The following PDE4B variants were observed in gnomAD, a reference collection of about 807,000 sequenced individuals.
PDE4B encodes phosphodiesterase 4B.
PDE4B carries 20 observed loss-of-function variants against 82.2 expected under a neutral mutation model. The observed-to-expected ratio is 0.24, with a 90% CI of 0.17 to 0.35. PDE4B has a LOEUF of 0.35. Among genes scored for constraint, PDE4B ranks in the 10% least tolerant of loss-of-function variants. PDE4B has a pLI of 1.00. For synonymous variants in PDE4B, 320 were observed against 318.9 expected (o/e 1.00, Z -0.04); for missense variants, 655 against 907.2 (o/e 0.72, Z 3.57).
chr1:66,297,706 G>A (rs140307375), intron 7 of PDE4B, among the ~76,000 whole-genome samples: 112 of 152,114 alleles, frequency 7.4e-4, no homozygotes, highest in Non-Finnish European at 1.4e-3. Context: ...TAAGGACTCT[G>A]CCCCTTAAAG....
intron 7 of PDE4B, among the ~76,000 whole-genome samples, chr1:66,311,976 G>A (rs1480120563): frequency 1.3e-5 from 2 of 152,150 alleles, no homozygotes; most frequent in Non-Finnish European, 2.9e-5. Context: ...ATCCCCAAAT[G>A]TATAGGTCTG....
chr1:66,332,844 A>T (rs1183792115), intron 8 of PDE4B, among the ~76,000 whole-genome samples: 2 of 152,214 alleles, frequency 1.3e-5, no homozygotes, highest in Non-Finnish European at 2.9e-5. Context: ...CAGAAACAAA[A>T]CTTCTCTCTT....
At chr1:66,185,732 T>A (rs1647180387) in intron 3 of PDE4B, among the ~76,000 whole-genome samples, 1 of 152,206 alleles carries the variant, frequency 6.6e-6, no homozygotes, top group African/African-American at 2.4e-5. Flanking sequence ...ACTCTGGATA[T>A]TAGCCCTTTG....
chr1:66,308,097 AC>A (rs1356508303), intron 7 of PDE4B, among the ~76,000 whole-genome samples: 1 of 152,182 alleles, frequency 6.6e-6, no homozygotes. Flanking sequence ...AAAAAGACCC[AC>A]AGGAGTAAAT....
At chr1:66,275,359 A>T (rs1413726614) in intron 7 of PDE4B, among the ~76,000 whole-genome samples, 2 of 152,198 alleles carry the variant, frequency 1.3e-5, no homozygotes, top group African/African-American at 4.8e-5. Context: ...GAGCTGGTGC[A>T]AAGCCTCCCT....
chr1:66,284,386 G>A (rs532351178), intron 7 of PDE4B, among the ~76,000 whole-genome samples: 1 of 152,164 alleles, frequency 6.6e-6, no homozygotes, highest in Non-Finnish European at 1.5e-5. Flanking sequence ...TTCTGACCAT[G>A]ACTAGGACAA....
At chr1:65,991,703 G>T (rs1651253952) in intron 3 of PDE4B, among the ~76,000 whole-genome samples, 1 of 152,042 alleles carries the variant, frequency 6.6e-6, no homozygotes, top group South Asian at 2.1e-4. Context: ...TCTGCTTTTG[G>T]ACTTGAGGCA....
At chr1:65,933,110 TACCAG>T in intron 3 of PDE4B, among the ~76,000 whole-genome samples, 1 of 151,964 alleles carries the variant, frequency 6.6e-6, no homozygotes, top group South Asian at 2.1e-4. Context: ...GCCCAGCAGA[TACCAG>T]ATGAAATGAA....
intron 1 of PDE4B, among the ~76,000 whole-genome samples, chr1:65,867,214 G>A (rs1329510707): frequency 2.0e-5 from 3 of 152,032 alleles, no homozygotes; most frequent in Non-Finnish European, 2.9e-5. Context: ...AACACAAAGG[G>A]ACATTTAAAT....
At chr1:66,191,653 G>A (rs994393120) in intron 3 of PDE4B, among the ~76,000 whole-genome samples, 6 of 152,090 alleles carry the variant, frequency 3.9e-5, no homozygotes, top group Admixed American at 6.6e-5. Context: ...AATCGAGAGC[G>A]TTACCTAGAT....
chr1:66,231,137 T>C (rs899391381), intron 3 of PDE4B, among the ~76,000 whole-genome samples: 1 of 151,994 alleles, frequency 6.6e-6, no homozygotes, highest in Non-Finnish European at 1.5e-5. Context: ...ATTCAGAATA[T>C]AATTTTTTAA....
intron 3 of PDE4B, among the ~76,000 whole-genome samples, chr1:65,948,235 G>A (rs933037719): frequency 1.3e-5 from 2 of 151,614 alleles, no homozygotes; most frequent in South Asian, 2.1e-4. Context: ...TTTGGACTCC[G>A]GTTGCTAGTT....
chr1:65,900,328 T>C (rs1278911325), intron 1 of PDE4B, among the ~76,000 whole-genome samples: 2 of 152,110 alleles, frequency 1.3e-5, no homozygotes, highest in East Asian at 1.9e-4. Context: ...GTGTCTGTTT[T>C]TGTTTGGGTA....
chr1:65,989,580 A>G (rs1651135077), intron 3 of PDE4B, among the ~76,000 whole-genome samples: 1 of 152,210 alleles, frequency 6.6e-6, no homozygotes, highest in Admixed American at 6.5e-5. Context: ...ATAATTCTCA[A>G]GTATCTGTAC....
chr1:66,199,452 T>TTTTG (rs753705115), intron 3 of PDE4B, among the ~76,000 whole-genome samples: 2 of 151,954 alleles, frequency 1.3e-5, no homozygotes, highest in South Asian at 4.2e-4. Context: ...ACTTTTTTTG[T>TTTTG]TTTGTTTGTT....
At chr1:66,278,364 CA>C (rs2101771521) in intron 7 of PDE4B, among the ~76,000 whole-genome samples, 1 of 152,274 alleles carries the variant, frequency 6.6e-6, no homozygotes, top group Non-Finnish European at 1.5e-5. Flanking sequence ...ATCCGTGGAA[CA>C]AAAATTTGTT....
intron 3 of PDE4B, among the ~76,000 whole-genome samples, chr1:65,975,913 A>G (rs1490784987): frequency 1.3e-5 from 2 of 152,192 alleles, no homozygotes; most frequent in Non-Finnish European, 2.9e-5. Context: ...TCAGGGGTGG[A>G]GCCCTCCTGG....
chr1:66,164,535 C>CAAAAAAAAAAAAAAAAAAAAAAA (rs10718019), intron 3 of PDE4B, among the ~76,000 whole-genome samples: 3 of 48,558 alleles, frequency 6.2e-5, no homozygotes, highest in Non-Finnish European at 7.1e-5. Flanking sequence ...GACTCCGTCT[C>CAAAAAAAAAAAAAAAAAAAAAAA]AAAAAAAAAA....
intron 7 of PDE4B, chr1:66,331,814 G>C (rs1660132564): frequency 1.0e-6 from 1 of 984,998 alleles, no homozygotes; most frequent in African/African-American, 1.7e-5. Flanking sequence ...ACTCCAGACA[G>C]CTTCTTTTAG....
Sources: gnomAD v4.1 joint callset for allele counts (sites outside exome capture counted in the v4.1 genomes callset) on GRCh38, gnomAD v4.1.1 for gene constraint, MANE v1.5 for transcripts, NCBI Gene and HGNC (gene_info 2026-07-23, HGNC 2026-07-21) for gene names.